The following CSPG4 variants were observed in gnomAD, a reference collection of about 807,000 sequenced individuals.
The protein encoded by CSPG4 is chondroitin sulfate proteoglycan 4 (melanoma-associated).
A neutral mutation model predicts 139.3 loss-of-function variants in CSPG4; 74 were observed. The observed-to-expected ratio is 0.53, with a 90% CI of 0.44 to 0.64. The LOEUF is 0.64. Among genes scored for constraint, CSPG4 ranks in the 30% least tolerant of loss-of-function variants. The pLI is 0.00. For synonymous variants in CSPG4, 1,234 were observed against 1,394.2 expected, an observed-to-expected ratio of 0.89 and a Z score of 2.56; for missense variants, 2,565 against 3,148.3, an observed-to-expected ratio of 0.81 and a Z score of 4.43.
intron 1 of CSPG4, among the ~76,000 whole-genome samples, chr15:75,701,346 A>C (rs1441835143): frequency 6.6e-6 from 1 of 151,874 alleles, no homozygotes; most frequent in South Asian, 2.1e-4. Context: ...GGGTTTTTCT[A>C]TCAGGCAGAG....
At chr15:75,693,872 G>A (rs1487574980) in intron 1 of CSPG4, among the ~76,000 whole-genome samples, 5 of 152,346 alleles carry the variant, frequency 3.3e-5, no homozygotes, top group Middle Eastern at 3.4e-3. Flanking sequence ...GCCATTGAGC[G>A]TCGGGGCAGG....
At chr15:75,708,633 G>A (rs577890368) in intron 1 of CSPG4, among the ~76,000 whole-genome samples, 5 of 152,346 alleles carry the variant, frequency 3.3e-5, no homozygotes, top group South Asian at 2.1e-4. Flanking sequence ...GGGGAAACTC[G>A]CTGCTGTTGG....
In CSPG4 at chr15:75,683,160, G is replaced by A. The variant is rs1566972724; in HGVS notation, c.4450-119C>T. On this transcript the variant is annotated intron_variant, in intron 5 of 9. Coordinates refer to ENST00000308508, the MANE Select transcript of CSPG4 (RefSeq NM_001897.5). ...GCGGCTCAGCCCCTCGGGTGGCATC[G>A]AGGCTGGCGCCACTCTGGCTCCCCT... The A allele has an allele frequency of 1.1e-5, 11 of 995,968 alleles. No individual in the cohort carries two copies. The South Asian group carries it at 1.2e-4, about 11-fold the overall frequency. 61.7% of individuals were successfully genotyped at this position (995,968 alleles called of 1,614,324 possible).
intron 1 of CSPG4, among the ~76,000 whole-genome samples, chr15:75,704,730 C>G (rs1346797270): frequency 3.3e-5 from 5 of 152,196 alleles, no homozygotes; most frequent in Admixed American, 2.6e-4. Flanking sequence ...ACACCTCCCC[C>G]TACTCTGAGC....
intron 1 of CSPG4, among the ~76,000 whole-genome samples, chr15:75,699,889 C>T (rs575807944): frequency 1.6e-4 from 24 of 152,234 alleles, no homozygotes; most frequent in Non-Finnish European, 3.1e-4. Flanking sequence ...AGGCTCCATC[C>T]GTACCCTCCT....
chr15:75,688,359 G>T lies in CSPG4; in HGVS notation c.2706C>A (p.Leu902=). The change falls in exon 3 of 10, where the codon CTC becomes CTA. Residue 902 remains leucine (L), a synonymous_variant. Transcript: ENST00000308508. ...CAGGCACCACGAGGAGGACATTGGTGAGGACAGGCGCATCTGGGTCACCAC... is the reference window on the plus strand; with the variant it reads ...CAGGCACCACGAGGAGGACATTGGTTAGGACAGGCGCATCTGGGTCACCAC... ...HIGGDPDAPV[L]TNVLLVVPEG... is the part of the protein sequence containing the mutation. The T allele has an allele frequency of 6.2e-7, 1 of 1,613,360 alleles. No homozygotes were observed. The highest frequency in any genetic ancestry group is 8.5e-7 in the Non-Finnish European group (1 of 1,180,042).
rs904068071 is a variant in CSPG4 at position 75,676,444 on chromosome 15, T to TC, written c.6074dup (p.Val2026SerfsTer6). ...TGACACCCCTAGCCAGTGCCAGGAC[T>TC]CTGAAGTGGTCATGAGAGGAGGAGA... On this transcript the variant is annotated frameshift_variant, in exon 10 of 10. Transcript: ENST00000308508. LOFTEE classifies it high-confidence loss of function. 3.7e-6 allele frequency: 6 copies of TC among 1,613,980 alleles called. No homozygotes were observed. Among genetic ancestry groups the TC allele is most frequent in the Non-Finnish European group, 5.1e-6 (6 of 1,180,032 alleles).
At chr15:75,706,396 T>C (rs1566978317) in intron 1 of CSPG4, among the ~76,000 whole-genome samples, 1 of 152,190 alleles carries the variant, frequency 6.6e-6, no homozygotes, top group East Asian at 1.9e-4. Context: ...TGAGTGTGTA[T>C]GTGTGAGTGT....
chr15:75,706,129 T>C (rs905218426), intron 1 of CSPG4, among the ~76,000 whole-genome samples: 11 of 152,154 alleles, frequency 7.2e-5, no homozygotes, highest in African/African-American at 2.7e-4. Context: ...TGGGAATCAG[T>C]GTCCTGGTCC....
intron 8 of CSPG4, among the ~76,000 whole-genome samples, chr15:75,681,999 C>T (rs1893980389): frequency 6.6e-6 from 1 of 152,164 alleles, no homozygotes; most frequent in African/African-American, 2.4e-5. Flanking sequence ...TCCAGACCCT[C>T]GGGTCCGGCT....
At chr15:75,710,274 A>AC (rs1319909620) in intron 1 of CSPG4, among the ~76,000 whole-genome samples, 6 of 151,664 alleles carry the variant, frequency 4.0e-5, no homozygotes, top group Non-Finnish European at 7.4e-5. Context: ...GCTCACTGTG[A>AC]CCCCCCGACT....
intron 1 of CSPG4, among the ~76,000 whole-genome samples, chr15:75,707,250 C>T (rs1894386433): frequency 6.6e-6 from 1 of 152,164 alleles, no homozygotes; most frequent in Non-Finnish European, 1.5e-5. Context: ...AGCCACCGCG[C>T]CTGGCCTCCA....
rs768300682 is a variant in CSPG4 at position 75,689,701 on chromosome 15, G to A, written c.1364C>T (p.Thr455Met). ...AWLEWRHVQP[T>M]LDLMEAELRK... ...CAGCTCAGCCTCCATCAGGTCCAGCGTGGGCTGCACATGCCTCCACTCAAG... is the reference window on the plus strand; with the variant it reads ...CAGCTCAGCCTCCATCAGGTCCAGCATGGGCTGCACATGCCTCCACTCAAG... Residue 455 changes from threonine to methionine, a missense_variant, in exon 3 of 10, where the codon ACG becomes ATG. Coordinates refer to ENST00000308508, the MANE Select transcript of CSPG4 (RefSeq NM_001897.5). The A allele has an allele frequency of 5.9e-5, 95 of 1,612,886 alleles. No homozygotes were observed. The Middle Eastern group carries it at 1.7e-3, about 28-fold the overall frequency.
rs371831713 is a variant in CSPG4, at chr15:75,682,913, C to T, written c.4578G>A (p.Ala1526=). 390 of 1,610,814 alleles carry T rather than the reference C, an allele frequency of 2.4e-4. No homozygotes were observed. The highest frequency in any genetic ancestry group is 2.9e-4 in the Non-Finnish European group (344 of 1,179,564). The change falls in exon 6 of 10, where the codon GCG becomes GCA. Residue 1526 remains alanine, a synonymous_variant. Transcript: ENST00000308508. ...TGAAGCTGCGCACCTCAGTGCCCGG[C>T]GCCCCCCGCAGCACTACCCGCCCGT... is the stretch of plus-strand genomic sequence containing the variant. ...PSNGRVVLRG[A]PGTEVRSFTQ...
At position 75,685,657 on chromosome 15, in the gene CSPG4, C is replaced by T. The variant is rs1296904276; in HGVS notation, c.3834G>A (p.Val1278=). ...GGTAGCCGGCACTCGGTGGGCTCTT[C>T]ACTGAGAATACGATGTCTGCAGGTG... ...AVPPADIVFS[V]KSPPSAGYLV... Residue 1278 remains valine (V), a synonymous_variant, in exon 4 of 10, where the codon GTG becomes GTA. Transcript: ENST00000308508. 1.2e-6 allele frequency: 2 copies of T among 1,606,648 alleles called. No homozygotes were observed. Among genetic ancestry groups the T allele is most frequent in the Non-Finnish European group, 1.7e-6 (2 of 1,179,592 alleles).
rs1313995205 is a variant in CSPG4 at position 75,702,416 on chromosome 15, CGCT to C, written c.89-9186_89-9184del. Among the ~76,000 whole-genome samples the C allele has an allele frequency of 4.6e-5, 7 of 152,376 alleles. No individual in the cohort carries two copies. The East Asian group carries it at 1.2e-3, about 25-fold the overall frequency. On this transcript the variant is annotated intron_variant, in intron 1 of 9. Transcript: ENST00000308508. The stretch of plus-strand genomic sequence containing the variant: ...TGTGTCCTTGGGGTGCAAAGACACT[CGCT>C]GCGGCCCAGGGGGCTGTGCTGTTGT...
rs139380384 is a variant in CSPG4, at chr15:75,684,832, G to A, written c.4353C>T (p.Ser1451=). The change falls in exon 5 of 10, where the codon TCC becomes TCT. Residue 1451 remains serine (S), a synonymous_variant. Coordinates refer to ENST00000308508, the MANE Select transcript of CSPG4 (RefSeq NM_001897.5). ...TDSFVLMANA[S]EMDRQSHPVA... ...CAGGATGGCTCTGGCGATCCATCTC[G>A]GAGGCATTAGCCATCAGGACAAAAC... The A allele has an allele frequency of 6.5e-5, 105 of 1,613,624 alleles. No individual in the cohort carries two copies. The highest frequency in any genetic ancestry group is 4.3e-4 in the African/African-American group (32 of 75,046).
At chr15:75,697,426 A>C (rs1166869180) in intron 1 of CSPG4, among the ~76,000 whole-genome samples, 1 of 152,204 alleles carries the variant, frequency 6.6e-6, no homozygotes, top group Non-Finnish European at 1.5e-5. Flanking sequence ...GCTGCAGGGC[A>C]CTCAGCTTCC....
At chr15:75,686,827 A>T (rs1036516703) in intron 3 of CSPG4, among the ~76,000 whole-genome samples, 2 of 152,242 alleles carry the variant, frequency 1.3e-5, no homozygotes, top group African/African-American at 4.8e-5. Flanking sequence ...CTGGGTGGGC[A>T]GAAGCCACCC....
Sources: allele counts gnomAD v4.1 joint callset (sites outside exome capture counted in the v4.1 genomes callset), GRCh38; gene constraint gnomAD v4.1.1; transcripts MANE v1.5; gene names NCBI Gene and HGNC (gene_info 2026-07-23, HGNC 2026-07-21).